Variants in DRC11 observed in about 807,000 individuals in gnomAD.
DRC11 encodes the protein dynein regulatory complex subunit 11.
chr2:236,368,578 T>C, the DRC11 span: 1 of 295,426 alleles, frequency 3.4e-6, no homozygotes, highest in Non-Finnish European at 6.3e-6. Context: ...AAACAACATT[T>C]GAATATAGAG....
At chr2:236,430,106 G>T in the DRC11 span, among the ~76,000 whole-genome samples, 3 of 151,990 alleles carry the variant, frequency 2.0e-5, no homozygotes, top group African/African-American at 7.3e-5. The surrounding 1 kb of genome is among the most constrained non-coding windows in gnomAD (Gnocchi z 6.0). Context: ...CCAGTGTGTG[G>T]CTGATCATAA....
chr2:236,408,554 G>A, the DRC11 span: 43 of 727,306 alleles, frequency 5.9e-5, no homozygotes, highest in Non-Finnish European at 8.5e-5. This position sits in a 1 kb window ranked among gnomAD's most constrained non-coding sequence, Gnocchi z 5.5. Flanking sequence ...TTCTTCTGGC[G>A]TGGAGGAAGC....
the DRC11 span, among the ~76,000 whole-genome samples, chr2:236,455,784 C>T: frequency 4.5e-3 from 683 of 152,284 alleles, 8 homozygotes; most frequent in African/African-American, 0.015. This position sits in a 1 kb window ranked among gnomAD's most constrained non-coding sequence, Gnocchi z 5.7. Context: ...AAAAATATAA[C>T]GAAGCATTTC....
At chr2:236,416,327 C>T in the DRC11 span, among the ~76,000 whole-genome samples, 4 of 152,074 alleles carry the variant, frequency 2.6e-5, no homozygotes, top group African/African-American at 9.7e-5. Flanking sequence ...GGTGTAACCT[C>T]GCCTGTAGTG....
the DRC11 span, among the ~76,000 whole-genome samples, chr2:236,337,353 C>T: frequency 2.0e-5 from 3 of 152,186 alleles, no homozygotes; most frequent in Admixed American, 6.5e-5. This position sits in a 1 kb window ranked among gnomAD's most constrained non-coding sequence, Gnocchi z 4.9. Context: ...CCCGTCCTTC[C>T]CTCCTCCTGC....
chr2:236,455,990 C>T, the DRC11 span, among the ~76,000 whole-genome samples: 2 of 152,118 alleles, frequency 1.3e-5, no homozygotes, highest in African/African-American at 4.8e-5. This position sits in a 1 kb window ranked among gnomAD's most constrained non-coding sequence, Gnocchi z 5.7. Context: ...ACCAGCCAGC[C>T]TCTCCTTTTG....
At chr2:236,377,164 C>T in the DRC11 span, 150 of 1,612,416 alleles carry the variant, frequency 9.3e-5, 1 homozygote, top group South Asian at 1.5e-3. This position sits in a 1 kb window ranked among gnomAD's most constrained non-coding sequence, Gnocchi z 4.9. Flanking sequence ...CCACCAGTTC[C>T]TTATACAGAG....
chr2:236,454,785 C>G, the DRC11 span: 1 of 152,176 alleles, frequency 6.6e-6, no homozygotes. The surrounding 1 kb of genome is among the most constrained non-coding windows in gnomAD (Gnocchi z 5.3). Flanking sequence ...TCTTGAGAAA[C>G]AATTCTAGTT....
At chr2:236,440,527 C>G in the DRC11 span, among the ~76,000 whole-genome samples, 4 of 152,246 alleles carry the variant, frequency 2.6e-5, no homozygotes, top group Non-Finnish European at 1.5e-5. Flanking sequence ...TCATCAAATG[C>G]CACTGAAGCA....
chr2:236,339,147 T>C, the DRC11 span, among the ~76,000 whole-genome samples: 30,063 of 152,206 alleles, frequency 0.2, 3,083 homozygotes, highest in African/African-American at 0.26. Flanking sequence ...TTGCTCCCAT[T>C]TGGCTGACGG....
At chr2:236,322,229 CTTTTTTTTTT>C in the DRC11 span, among the ~76,000 whole-genome samples, 2 of 98,542 alleles carry the variant, frequency 2.0e-5, no homozygotes, top group Non-Finnish European at 3.9e-5. Context: ...TTTCTTTCCT[CTTTTTTTTTT>C]TTTTTTTTTT....
At chr2:236,352,244 TGAG>T in the DRC11 span, among the ~76,000 whole-genome samples, 1 of 151,930 alleles carries the variant, frequency 6.6e-6, no homozygotes, top group Admixed American at 6.5e-5. This position sits in a 1 kb window ranked among gnomAD's most constrained non-coding sequence, Gnocchi z 7.0. Context: ...AGTTTGGTAA[TGAG>T]GAGGTCACTG....
the DRC11 span, among the ~76,000 whole-genome samples, chr2:236,459,261 T>C: frequency 6.6e-6 from 1 of 152,004 alleles, no homozygotes; most frequent in African/African-American, 2.4e-5. Context: ...ATACAACACA[T>C]ACAAATTAAA....
At chr2:236,465,472 G>A in the DRC11 span, 1 of 1,570,622 alleles carries the variant, frequency 6.4e-7, no homozygotes, top group Non-Finnish European at 8.8e-7. The surrounding 1 kb of genome is among the most constrained non-coding windows in gnomAD (Gnocchi z 6.2). Context: ...CTAAAGAACA[G>A]ACTGGATATG....
At chr2:236,487,229 A>T in the DRC11 span, among the ~76,000 whole-genome samples, 1 of 152,202 alleles carries the variant, frequency 6.6e-6, no homozygotes, top group South Asian at 2.1e-4. Context: ...TTTCCAAAGT[A>T]ATGTGGGGAA....
chr2:236,327,012 G>A, the DRC11 span, among the ~76,000 whole-genome samples: 9 of 152,128 alleles, frequency 5.9e-5, no homozygotes, highest in East Asian at 1.9e-4. Flanking sequence ...GAGCCACCAT[G>A]CCTGGCCAAG....
the DRC11 span, among the ~76,000 whole-genome samples, chr2:236,482,039 GGTATAATTCTACATATTATAT>G: frequency 1.4e-4 from 16 of 111,254 alleles, no homozygotes; most frequent in African/African-American, 3.0e-4. This position sits in a 1 kb window ranked among gnomAD's most constrained non-coding sequence, Gnocchi z 4.5. Flanking sequence ...TATAATTCTA[GGTATAATTCTACATATTATAT>G]GTATAATTCT....
chr2:236,469,873 C>T, the DRC11 span, among the ~76,000 whole-genome samples: 1 of 152,124 alleles, frequency 6.6e-6, no homozygotes, highest in African/African-American at 2.4e-5. This position sits in a 1 kb window ranked among gnomAD's most constrained non-coding sequence, Gnocchi z 5.8. Flanking sequence ...CGATAGTATG[C>T]TATATATTGA....
the DRC11 span, among the ~76,000 whole-genome samples, chr2:236,492,046 A>G: frequency 6.6e-6 from 1 of 152,110 alleles, no homozygotes; most frequent in Non-Finnish European, 1.5e-5. Context: ...CTCTCTTACT[A>G]TGTGATTCCT....
Sources: allele counts gnomAD v4.1 joint callset (sites outside exome capture counted in the v4.1 genomes callset), GRCh38; gene constraint gnomAD v4.1.1; non-coding constraint Gnocchi (gnomAD v3.1); transcripts MANE v1.5; gene names NCBI Gene and HGNC (gene_info 2026-07-23, HGNC 2026-07-21).